Variants in OTOGL observed in about 807,000 individuals in gnomAD.
The protein encoded by OTOGL is otogelin like, also known as otogelin-like protein.
OTOGL carries 285 observed loss-of-function variants against 318.5 expected under a neutral mutation model. The observed-to-expected ratio is 0.89, with a 90% CI of 0.81 to 0.99. OTOGL has a LOEUF of 0.99. Ranked by LOEUF, OTOGL falls within the 50% of genes least tolerant of loss-of-function variation. The probability of loss-of-function intolerance (pLI) is 0.00; values close to 1 mark genes in which losing one functional copy is unlikely to be tolerated. For missense variants in OTOGL, 2,899 were observed against 2,845.6 expected (o/e 1.02, Z -0.43); for synonymous variants, 987 against 936.5 (o/e 1.05, Z -0.99).
intron 1 of OTOGL, among the ~76,000 whole-genome samples, chr12:80,128,903 G>T (rs557936121): frequency 9.2e-5 from 14 of 152,284 alleles, no homozygotes; most frequent in African/African-American, 3.4e-4. Flanking sequence ...ACAGTATTAG[G>T]GTGGGAGTGA....
intron 9 of OTOGL, among the ~76,000 whole-genome samples, chr12:80,235,001 A>G (rs1245870437): frequency 6.6e-6 from 1 of 152,158 alleles, no homozygotes; most frequent in Non-Finnish European, 1.5e-5. Flanking sequence ...GGCATTTGCA[A>G]TGAGAGGGGT....
chr12:80,353,215 TA>T, intron 45 of OTOGL, 109 bp from the exon 46 acceptor site: 1 of 970,760 alleles, frequency 1.0e-6, no homozygotes, highest in Non-Finnish European at 1.4e-6. Flanking sequence ...TTGAAGAGAC[TA>T]AAATTTGCAA....
At chr12:80,275,017 A>G (rs1178563661) in intron 24 of OTOGL, among the ~76,000 whole-genome samples, 1 of 151,982 alleles carries the variant, frequency 6.6e-6, no homozygotes, top group Non-Finnish European at 1.5e-5. Flanking sequence ...AGAAGGATAT[A>G]TTAATGTTGT....
chr12:80,339,298 GTTTTTTTTTTT>G (rs10715159), intron 43 of OTOGL, 34 bp downstream of exon 43: 47 of 538,096 alleles, frequency 8.7e-5, no homozygotes, highest in Middle Eastern at 5.4e-4. Flanking sequence ...GATTTCGTCT[GTTTTTTTTTTT>G]TTTTTTTTTT....
chr12:80,346,000 A>G (rs913457647), intron 44 of OTOGL, among the ~76,000 whole-genome samples: 3 of 152,214 alleles, frequency 2.0e-5, no homozygotes, highest in Non-Finnish European at 2.9e-5. Flanking sequence ...AAACGGAGGT[A>G]GAGAAGACAC....
In OTOGL at chr12:80,367,607, T is replaced by A; in HGVS notation, c.6378T>A (p.Pro2126=). Residue 2126 remains proline, a synonymous_variant, in exon 54 of 59, where the codon CCT becomes CCA. Transcript: ENST00000547103. The part of the protein sequence containing the change: ...CVFQEVSVLN[P]GQSMIKYLEE... ...TTCAAGAAGTATCAGTATTGAATCC[T>A]GGACAATCCATGATAAAGTATTTGG... 3 of 1,547,996 alleles carry A rather than the reference T, an allele frequency of 1.9e-6. No individual in the cohort carries two copies. Among genetic ancestry groups the A allele is most frequent in the Non-Finnish European group, 2.6e-6 (3 of 1,138,610 alleles).
Position 80,208,277 on chromosome 12 carries a change from A to G in OTOGL, c.-19-1136A>G, listed in dbSNP as rs768755990. The G allele has an allele frequency of 7.9e-6, 4 of 504,886 alleles. No homozygotes were observed. The East Asian group carries it at 1.7e-4, about 21-fold the overall frequency. The allele number at this position is 504,886 out of a possible 1,614,324, so 31.3% of individuals were successfully genotyped here. A position where few individuals can be genotyped will look rare whatever the true frequency, so the allele number is the denominator to read the frequency against. On this transcript the variant is annotated intron_variant, in intron 1 of 58. Coordinates refer to ENST00000547103, the MANE Select transcript of OTOGL (RefSeq NM_001378609.3). Reference sequence around the variant, plus strand: ...TTGGAACACAAACAGGAAACTGTTTATATAATGAATGTTGGACCATGTAAC... The same window carrying G: ...TTGGAACACAAACAGGAAACTGTTTGTATAATGAATGTTGGACCATGTAAC...
In OTOGL at chr12:80,310,550, T is replaced by C; in HGVS notation, c.3334-61T>C. The stretch of plus-strand genomic sequence containing the variant: ...TTGTAATGAGTGAAGTTGGGTAGGT[T>C]ACTCTGTTTGAGAAATTGTCCCTTT... On this transcript the variant is annotated intron_variant, in intron 29 of 58. Transcript: ENST00000547103. 2.6e-6 allele frequency: 3 copies of C among 1,158,502 alleles called. No homozygotes were observed. The South Asian group carries it at 4.0e-5, about 15-fold the overall frequency. 71.8% of individuals were successfully genotyped at this position (1,158,502 alleles called of 1,614,324 possible). A position where few individuals can be genotyped will look rare whatever the true frequency, so the allele number is the denominator to read the frequency against.
At position 80,238,954 on chromosome 12, in the gene OTOGL, C is replaced by T; in HGVS notation, c.921C>T (p.Cys307=). Residue 307 remains cysteine, a synonymous_variant, in exon 10 of 59, where the codon TGC becomes TGT. Transcript: ENST00000547103. ...CACCCTCAGATTTTCCAAATCCGTG[C>T]TCCAGTGGAATGCCAGCATTTGAGG... ...VLTPSDFPNP[C]SSGMPAFEAI... is the part of the protein sequence containing the mutation. The T allele has an allele frequency of 6.3e-7, 1 of 1,597,712 alleles. No homozygotes were observed. Among genetic ancestry groups the T allele is most frequent in the Non-Finnish European group, 8.5e-7 (1 of 1,179,162 alleles).
intron 1 of OTOGL, among the ~76,000 whole-genome samples, chr12:80,154,597 C>G (rs1873001173): frequency 6.6e-6 from 1 of 152,194 alleles, no homozygotes. Flanking sequence ...TGCTCAAATA[C>G]ATTAAAAAAA....
In OTOGL at chr12:80,175,645, C is replaced by CT. The variant is rs954721356; in HGVS notation, c.-19-33760dup. Among the ~76,000 whole-genome samples the CT allele has an allele frequency of 2.6e-5, 4 of 151,962 alleles. No homozygotes were observed. The East Asian group carries it at 5.8e-4, about 22-fold the overall frequency. On this transcript the variant is annotated intron_variant, in intron 1 of 58. Transcript: ENST00000547103. ...ATATAAGCTTTTCCCACACTGAGCTCTTTTTTTTCCCCAGTAACCTGTGTC... is the reference window on the plus strand; with the variant it reads ...ATATAAGCTTTTCCCACACTGAGCTCTTTTTTTTTCCCCAGTAACCTGTGTC...
chr12:80,242,915 C>A (rs558814389), intron 11 of OTOGL, among the ~76,000 whole-genome samples: 1 of 152,220 alleles, frequency 6.6e-6, no homozygotes, highest in South Asian at 2.1e-4. Flanking sequence ...TGATACTCCA[C>A]CAATCCTTGA....
chr12:80,331,333 A>ATTT (rs386377119), intron 37 of OTOGL, among the ~76,000 whole-genome samples: 3,952 of 81,628 alleles, frequency 0.048, 165 homozygotes, highest in Non-Finnish European at 0.051. Context: ...AGTCATTAGA[A>ATTT]TTTTTTTTTT....
At chr12:80,140,022 C>T (rs1281797538) in intron 1 of OTOGL, among the ~76,000 whole-genome samples, 2 of 152,080 alleles carry the variant, frequency 1.3e-5, no homozygotes, top group Non-Finnish European at 2.9e-5. Flanking sequence ...CTATTTAAGC[C>T]CTGGGCAAGA....
At chr12:80,116,477 T>C (rs755918756) in intron 1 of OTOGL, among the ~76,000 whole-genome samples, 6 of 152,080 alleles carry the variant, frequency 3.9e-5, no homozygotes, top group Non-Finnish European at 5.9e-5. Context: ...GAACTGCATA[T>C]AGGAGCTGTT....
chr12:80,149,892 A>G (rs777958403), intron 1 of OTOGL, among the ~76,000 whole-genome samples: 4 of 152,242 alleles, frequency 2.6e-5, no homozygotes, highest in Admixed American at 2.0e-4. Flanking sequence ...GAGTGAGGCA[A>G]TGCCTCACCC....
At chr12:80,211,847 G>A in intron 3 of OTOGL, 102 bp from the exon 4 acceptor site, 1 of 943,634 alleles carries the variant, frequency 1.1e-6, no homozygotes, top group Non-Finnish European at 1.6e-6. Context: ...CTTTGATAAA[G>A]TGATGGAAAT....
intron 57 of OTOGL, among the ~76,000 whole-genome samples, chr12:80,373,999 C>T (rs918537370): frequency 6.6e-6 from 1 of 151,918 alleles, no homozygotes; most frequent in African/African-American, 2.4e-5. Flanking sequence ...ACATACACAC[C>T]GACAACAAGC....
At chr12:80,124,757 C>T (rs1266365976) in intron 1 of OTOGL, among the ~76,000 whole-genome samples, 1 of 151,796 alleles carries the variant, frequency 6.6e-6, no homozygotes, top group Non-Finnish European at 1.5e-5. Flanking sequence ...CCTTCACATC[C>T]CTTGTAAGTT....
Sources: gnomAD v4.1 joint callset for allele counts (sites outside exome capture counted in the v4.1 genomes callset) on GRCh38, gnomAD v4.1.1 for gene constraint, MANE v1.5 for transcripts, NCBI Gene and HGNC (gene_info 2026-07-23, HGNC 2026-07-21) for gene names.